Variants in NRXN3 observed in about 807,000 individuals in gnomAD.
NRXN3 encodes the protein neurexin 3, also known as neurexin III.
Under a neutral mutation model 137.6 loss-of-function variants are expected in NRXN3, and 32 were observed. The ratio of observed to expected loss-of-function variants is 0.23; its 90% confidence interval spans 0.18 to 0.31. The LOEUF (loss-of-function observed/expected upper bound fraction) is 0.31. NRXN3 is among the 10% of genes least tolerant of loss of function. The pLI is 1.00. For missense variants in NRXN3, 1,574 were observed against 2,062.5 expected, an observed-to-expected ratio of 0.76 and a Z score of 4.59; for synonymous variants, 798 against 784.5, an observed-to-expected ratio of 1.02 and a Z score of -0.29.
At chr14:79,484,246 G>A (rs544790835) in intron 16 of NRXN3, among the ~76,000 whole-genome samples, 1 of 152,136 alleles carries the variant, frequency 6.6e-6, no homozygotes. Context: ...CTCTCTTTTG[G>A]ATGTTTGGTG....
chr14:78,200,136 G>A (rs1049561005), intron 1 of NRXN3, among the ~76,000 whole-genome samples: 3 of 152,196 alleles, frequency 2.0e-5, no homozygotes, highest in African/African-American at 7.2e-5. Context: ...GAAAGTCCTT[G>A]CTGGTTCATC....
chr14:79,490,018 G>A (rs1205068116), intron 16 of NRXN3, among the ~76,000 whole-genome samples: 2 of 120,940 alleles, frequency 1.7e-5, no homozygotes, highest in Admixed American at 1.0e-4. Context: ...CAGCGTGGGG[G>A]ACAGAGCAAT....
intron 4 of NRXN3, among the ~76,000 whole-genome samples, chr14:78,380,307 C>CA (rs34099445): frequency 0.6 from 60,297 of 100,118 alleles, 19,197 homozygotes; most frequent in African/African-American, 0.76. Context: ...GACTCCGTCT[C>CA]AAAAAAAAAA....
At chr14:78,251,523 G>A (rs748725451) in intron 2 of NRXN3, among the ~76,000 whole-genome samples, 7 of 152,160 alleles carry the variant, frequency 4.6e-5, no homozygotes, top group East Asian at 3.9e-4. Context: ...GTTGCTGTCC[G>A]TGACAGCAAT....
chr14:79,013,943 G>C (rs1405996981), intron 15 of NRXN3, among the ~76,000 whole-genome samples: 3 of 152,032 alleles, frequency 2.0e-5, no homozygotes, highest in African/African-American at 7.2e-5. Flanking sequence ...ACTGTCATGG[G>C]GTTTACAACA....
chr14:79,724,830 T>G (rs1485995105), intron 19 of NRXN3, among the ~76,000 whole-genome samples: 4 of 152,122 alleles, frequency 2.6e-5, no homozygotes, highest in Admixed American at 6.6e-5. Flanking sequence ...TTGGGGACAC[T>G]GAGAATCTAG....
At chr14:78,403,058 A>G (rs1049328857) in intron 4 of NRXN3, among the ~76,000 whole-genome samples, 3 of 152,170 alleles carry the variant, frequency 2.0e-5, no homozygotes, top group Admixed American at 6.6e-5. Flanking sequence ...GACAGGTTCA[A>G]TCCAAAATAT....
At chr14:78,226,412 TC>T (rs2064678515) in intron 1 of NRXN3, among the ~76,000 whole-genome samples, 1 of 152,182 alleles carries the variant, frequency 6.6e-6, no homozygotes, top group South Asian at 2.1e-4. Context: ...CCTTCACCTT[TC>T]TGCGTATATT....
chr14:78,660,464 T>G (rs758915128), intron 6 of NRXN3, among the ~76,000 whole-genome samples: 33 of 152,012 alleles, frequency 2.2e-4, no homozygotes, highest in Non-Finnish European at 4.1e-4. Flanking sequence ...GTTTCTTTCT[T>G]CATAGGTGAG....
chr14:78,181,497 A>G (rs899534785), intron 1 of NRXN3, among the ~76,000 whole-genome samples: 10 of 152,204 alleles, frequency 6.6e-5, no homozygotes, highest in African/African-American at 2.4e-4. Context: ...CTGGCTATCC[A>G]TTGCTGACAA....
At chr14:79,593,299 C>T (rs1052667439) in intron 16 of NRXN3, among the ~76,000 whole-genome samples, 18 of 152,064 alleles carry the variant, frequency 1.2e-4, no homozygotes, top group South Asian at 4.2e-4. Context: ...TATTTTAGAA[C>T]GTATTTGTAT....
chr14:78,474,015 GGGA>G (rs1247764139), intron 4 of NRXN3, among the ~76,000 whole-genome samples: 23 of 152,158 alleles, frequency 1.5e-4, no homozygotes, highest in African/African-American at 5.6e-4. Context: ...TCAACATTAT[GGGA>G]GGGGCCTACA....
intron 15 of NRXN3, among the ~76,000 whole-genome samples, chr14:79,146,730 C>G (rs1171440566): frequency 2.0e-5 from 3 of 152,132 alleles, no homozygotes; most frequent in Non-Finnish European, 4.4e-5. Flanking sequence ...AAAGCAGAAT[C>G]CATCTCCTTG....
chr14:78,345,492 G>A (rs1410654678), intron 4 of NRXN3, among the ~76,000 whole-genome samples: 2 of 152,188 alleles, frequency 1.3e-5, no homozygotes, highest in African/African-American at 4.8e-5. Flanking sequence ...AGTGGTAGCA[G>A]CTGCAGAAAA....
intron 1 of NRXN3, among the ~76,000 whole-genome samples, chr14:78,193,040 G>T (rs1321880179): frequency 6.6e-6 from 1 of 152,146 alleles, no homozygotes; most frequent in Non-Finnish European, 1.5e-5. Context: ...AAGAGGTCCA[G>T]GTTCAATTCT....
At chr14:79,245,331 T>G (rs185242321) in intron 15 of NRXN3, among the ~76,000 whole-genome samples, 114 of 151,786 alleles carry the variant, frequency 7.5e-4, no homozygotes, top group Non-Finnish European at 1.2e-3. Flanking sequence ...TGTCATTGAC[T>G]CCTCAGAATC....
At position 79,754,589 on chromosome 14, in the gene NRXN3, C is replaced by T. The variant is rs1451092710; in HGVS notation, c.4015-50523C>T. Among the ~76,000 whole-genome samples, 23 of 133,248 alleles carry T rather than the reference C, an allele frequency of 1.7e-4. No homozygotes were observed. In the East Asian group the frequency reaches 4.2e-3, roughly 24 times the overall value. The allele number at this position is 133,248 out of a possible 152,430, so 87.4% of individuals were successfully genotyped here. The stretch of plus-strand genomic sequence containing the variant: ...GCACACATACACACACACACACACA[C>T]ATATATATACACACACATACACACA... On this transcript the variant is annotated intron_variant, in intron 19 of 20. Transcript: ENST00000335750.
intron 4 of NRXN3, among the ~76,000 whole-genome samples, chr14:78,405,420 C>G (rs1039911800): frequency 1.4e-4 from 22 of 152,270 alleles, no homozygotes; most frequent in Non-Finnish European, 2.4e-4. Context: ...GAAACTGAAT[C>G]AGGAAGATCA....
At position 78,453,563 on chromosome 14, in the gene NRXN3, T is replaced by G. The variant is rs539966145; in HGVS notation, c.757+155703T>G. On this transcript the variant is annotated intron_variant, in intron 4 of 20. Transcript: ENST00000335750. ...TAAGAGTTTGTCCTTTCTTCATTCC[T>G]TTTTCCAGCATAAGAAAGAGCATCC... is the stretch of plus-strand genomic sequence containing the variant. Among the ~76,000 whole-genome samples, 3 of 152,330 alleles carry G rather than the reference T, an allele frequency of 2.0e-5. No homozygotes were observed. The East Asian group carries it at 5.8e-4, about 29-fold the overall frequency.
Sources: allele counts gnomAD v4.1 joint callset (sites outside exome capture counted in the v4.1 genomes callset), GRCh38; gene constraint gnomAD v4.1.1; transcripts MANE v1.5; gene names NCBI Gene and HGNC (gene_info 2026-07-23, HGNC 2026-07-21).